The following HSF5 variants were observed in gnomAD, a reference collection of about 807,000 sequenced individuals.
HSF5 encodes the protein heat shock transcription factor 5, also known as heat shock factor protein 5.
Under a neutral mutation model 50.8 loss-of-function variants are expected in HSF5, and 5 were observed. The observed-to-expected ratio is 0.10, with a 90% CI of 0.05 to 0.21. The LOEUF (loss-of-function observed/expected upper bound fraction) is 0.21. HSF5 is among the 10% of genes least tolerant of loss of function. The pLI is 1.00. For missense variants in HSF5, 564 were observed against 762.6 expected, an observed-to-expected ratio of 0.74 and a Z score of 3.07; for synonymous variants, 307 against 307.4, an observed-to-expected ratio of 1.00 and a Z score of 0.02.
intron 1 of HSF5, among the ~76,000 whole-genome samples, chr17:58,482,708 T>C (rs1433221048): frequency 1.7e-4 from 1 of 5,824 alleles, no homozygotes; most frequent in Non-Finnish European, 3.1e-4. Flanking sequence ...AGACTCCATC[T>C]CAAAAAAAAA....
chr17:58,476,537 C>A (rs1975014083), intron 2 of HSF5: 2 of 1,385,756 alleles, frequency 1.4e-6, no homozygotes, highest in Middle Eastern at 2.5e-4. Context: ...TTGGACAGAA[C>A]TTTATTTTCA....
At chr17:58,444,870 C>G (rs894495597) in intron 5 of HSF5, among the ~76,000 whole-genome samples, 1 of 152,080 alleles carries the variant, frequency 6.6e-6, no homozygotes, top group Non-Finnish European at 1.5e-5. Context: ...TTTAAAAACT[C>G]CTACAACTGA....
Position 58,487,731 on chromosome 17 carries a change from G to A in HSF5, c.544C>T (p.Pro182Ser). ...ACGGGCAGTCCGGACTCACCGTGCG[G>A]CTCGGGCCGGGGCCCCGCGGGCGGC... ...PPPPAGPRPE[P>S]HGPVAVGQFH... Residue 182 changes from proline (P) to serine (S), a missense_variant, in exon 1 of 6, where the codon CCG becomes TCG. Pro to Ser is a moderately conservative substitution (Grantham distance 74, BLOSUM62 -1). Coordinates refer to ENST00000323777, the MANE Select transcript of HSF5 (RefSeq NM_001080439.3). The A allele has an allele frequency of 7.2e-7, 1 of 1,381,330 alleles. No homozygotes were observed. The highest frequency in any genetic ancestry group is 1.8e-5 in the South Asian group (1 of 56,820). 85.6% of individuals were successfully genotyped at this position (1,381,330 alleles called of 1,614,324 possible).
chr17:58,487,786 G>A lies in HSF5; in HGVS notation c.489C>T (p.Ala163=). ...GCTGCTGGTGCTGCAGTGGCGCGGTGGCGGCGGAGGCCGAGGTGATGAGCA... is the reference window on the plus strand; with the variant it reads ...GCTGCTGGTGCTGCAGTGGCGCGGTAGCGGCGGAGGCCGAGGTGATGAGCA... ...QRLLITSASA[A]TAPLQHQQPP... The change falls in exon 1 of 6, where the codon GCC becomes GCT. Residue 163 remains alanine, a synonymous_variant. Transcript: ENST00000323777. The A allele has an allele frequency of 6.6e-7, 1 of 1,506,472 alleles. No individual in the cohort carries two copies. Among genetic ancestry groups the A allele is most frequent in the Admixed American group, 2.2e-5 (1 of 44,868 alleles). The allele number at this position is 1,506,472 out of a possible 1,614,324, so 93.3% of individuals were successfully genotyped here.
At chr17:58,476,238 T>TTCA in intron 2 of HSF5, 9 of 914,056 alleles carry the variant, frequency 9.8e-6, no homozygotes, top group East Asian at 2.5e-5. Flanking sequence ...CTTCCTTCTC[T>TTCA]TCATCATCAT....
intron 1 of HSF5, among the ~76,000 whole-genome samples, chr17:58,481,599 C>G (rs577419297): frequency 6.6e-6 from 1 of 152,226 alleles, no homozygotes; most frequent in African/African-American, 2.4e-5. Context: ...TTAAACTACA[C>G]GTTGAAAGTT....
At chr17:58,442,388 T>C (rs1434018015) in intron 5 of HSF5, among the ~76,000 whole-genome samples, 1 of 152,226 alleles carries the variant, frequency 6.6e-6, no homozygotes, top group Non-Finnish European at 1.5e-5. Flanking sequence ...TGAAGATAAG[T>C]AGGGAAAGTG....
chr17:58,428,772 AC>A lies in HSF5; in HGVS notation c.1721-6343del, dbSNP rs1232322687. On this transcript the variant is annotated intron_variant, in intron 5 of 5. Coordinates refer to ENST00000323777, the MANE Select transcript of HSF5 (RefSeq NM_001080439.3). ...TTAGCGAGGATGTAGAGAAACTGGA[AC>A]CCTTGTGCATTGCTGGCAGAAGTGT... Among the ~76,000 whole-genome samples the A allele has an allele frequency of 3.9e-5, 6 of 152,220 alleles. No individual in the cohort carries two copies. In the East Asian group the frequency reaches 1.2e-3, roughly 29 times the overall value.
At chr17:58,480,417 A>G in intron 1 of HSF5, 150 bp from the exon 2 acceptor site, 1 of 679,444 alleles carries the variant, frequency 1.5e-6, no homozygotes, top group Non-Finnish European at 2.4e-6. Flanking sequence ...TTCAGAATCA[A>G]GAATATGAGA....
chr17:58,465,564 C>A (rs1974854067), intron 3 of HSF5, among the ~76,000 whole-genome samples: 1 of 151,022 alleles, frequency 6.6e-6, no homozygotes, highest in Non-Finnish European at 1.5e-5. Context: ...TCCCCTTGAT[C>A]TCATTCTATA....
At chr17:58,470,608 T>G (rs912860223) in intron 2 of HSF5, among the ~76,000 whole-genome samples, 5 of 152,186 alleles carry the variant, frequency 3.3e-5, no homozygotes, top group African/African-American at 1.2e-4. Context: ...GTAGTGTCAA[T>G]GGATTGTATA....
intron 5 of HSF5, among the ~76,000 whole-genome samples, chr17:58,452,664 G>C (rs1974656677): frequency 6.6e-6 from 1 of 152,058 alleles, no homozygotes; most frequent in Non-Finnish European, 1.5e-5. Context: ...TTAAAAATTA[G>C]CTAGGCGTCA....
At position 58,488,171 on chromosome 17, in the gene HSF5, C is replaced by T; in HGVS notation, c.104G>A (p.Arg35His). 3 of 1,529,008 alleles carry T rather than the reference C, an allele frequency of 2.0e-6. No individual in the cohort carries two copies. The highest frequency in any genetic ancestry group is 2.6e-6 in the Non-Finnish European group (3 of 1,151,498). 94.7% of individuals were successfully genotyped at this position (1,529,008 alleles called of 1,614,324 possible). A position where few individuals can be genotyped will look rare whatever the true frequency, so the allele number is the denominator to read the frequency against. Residue 35 changes from arginine to histidine, a missense_variant, in exon 1 of 6, where the codon CGC (arginine) becomes CAC (histidine). Coordinates refer to ENST00000323777, the MANE Select transcript of HSF5 (RefSeq NM_001080439.3). The surrounding 1 kb of genome is among the most constrained non-coding windows in gnomAD (Gnocchi z 4.1). Reference protein sequence around the residue: ...PRYRSIRWDGRGEGLLIDQPL... With the variant: ...PRYRSIRWDGHGEGLLIDQPL... ...CTGATCGATAAGCAGCCCCTCGCCG[C>T]GGCCGTCCCAGCGGATGGAGCGGTA...
chr17:58,457,380 C>T (rs1974726409), intron 5 of HSF5, among the ~76,000 whole-genome samples: 1 of 151,988 alleles, frequency 6.6e-6, no homozygotes, highest in Non-Finnish European at 1.5e-5. Flanking sequence ...GGGTGGATCA[C>T]TTGAGGCCAG....
chr17:58,423,104 G>A (rs1272365918), intron 5 of HSF5, among the ~76,000 whole-genome samples: 2 of 152,162 alleles, frequency 1.3e-5, no homozygotes, highest in African/African-American at 4.8e-5. Flanking sequence ...GTAAGAGTAG[G>A]TGGGTGGGTT....
chr17:58,433,220 C>T (rs555168905), intron 5 of HSF5, among the ~76,000 whole-genome samples: 15 of 152,270 alleles, frequency 9.9e-5, no homozygotes, highest in Admixed American at 8.5e-4. Context: ...AAGCTAGTCT[C>T]GCTTAAGCCC....
At chr17:58,423,395 G>C (rs1394483710) in intron 5 of HSF5, among the ~76,000 whole-genome samples, 1 of 151,324 alleles carries the variant, frequency 6.6e-6, no homozygotes, top group Admixed American at 6.6e-5. Flanking sequence ...GTCTATAGAG[G>C]AACACAGGCA....
At chr17:58,458,308 T>C (rs1974741188) in intron 5 of HSF5, among the ~76,000 whole-genome samples, 1 of 152,234 alleles carries the variant, frequency 6.6e-6, no homozygotes, top group Non-Finnish European at 1.5e-5. Flanking sequence ...GGTCATACTT[T>C]ATAGTATCTT....
intron 5 of HSF5, among the ~76,000 whole-genome samples, chr17:58,438,561 C>T (rs1974457059): frequency 6.6e-6 from 1 of 151,940 alleles, no homozygotes; most frequent in African/African-American, 2.4e-5. Context: ...ACCTGTGACA[C>T]CATGGAAGTC....
Sources: allele counts gnomAD v4.1 joint callset (sites outside exome capture counted in the v4.1 genomes callset), GRCh38; gene constraint gnomAD v4.1.1; non-coding constraint Gnocchi (gnomAD v3.1); transcripts MANE v1.5; gene names NCBI Gene and HGNC (gene_info 2026-07-23, HGNC 2026-07-21).